PPM1L: variants seen among roughly 807,000 people sequenced by gnomAD.
The protein encoded by PPM1L is protein phosphatase, Mg2+/Mn2+ dependent 1L.
A neutral mutation model predicts 31.4 loss-of-function variants in PPM1L; 13 were observed. That is an observed-to-expected ratio of 0.41 (90% confidence interval 0.27 to 0.66). The LOEUF (loss-of-function observed/expected upper bound fraction) is 0.66. Among genes scored for constraint, PPM1L ranks in the 30% least tolerant of loss-of-function variants. The pLI, the probability that PPM1L is intolerant of heterozygous loss-of-function variation, is 0.29. For missense variants in PPM1L, 326 were observed against 453.7 expected (o/e 0.72, Z 2.56); for synonymous variants, 184 against 175.4 (o/e 1.05, Z -0.39).
chr3:160,834,456 C>G (rs1416120172), intron 1 of PPM1L, among the ~76,000 whole-genome samples: 3 of 142,126 alleles, frequency 2.1e-5, no homozygotes, highest in Non-Finnish European at 4.6e-5. Context: ...TTTTTACATG[C>G]ATTTGTGTAT....
At chr3:160,835,096 C>A (rs1315535779) in intron 1 of PPM1L, among the ~76,000 whole-genome samples, 1 of 67,526 alleles carries the variant, frequency 1.5e-5, no homozygotes, top group Non-Finnish European at 2.7e-5. Flanking sequence ...TTTCTTTTTT[C>A]TTTCTTCTTT....
At position 161,073,401 on chromosome 3, in the gene PPM1L, G is replaced by A. The variant is rs1165551989; in HGVS notation, c.*4244G>A. ...ATATTGCTGTGTTTTCATTCACGAT[G>A]ACTCTTAGTAGCAGTACAATTTGCA... On this transcript the variant is annotated 3_prime_UTR_variant, in exon 4 of 4. Transcript: ENST00000498165. 6.6e-6 allele frequency: 1 copy of A among 152,142 alleles called. No individual in the cohort carries two copies. Among genetic ancestry groups the A allele is most frequent in the Non-Finnish European group, 1.5e-5 (1 of 68,040 alleles). 9.4% of individuals were successfully genotyped at this position (152,142 alleles called of 1,614,324 possible). A position where few individuals can be genotyped will look rare whatever the true frequency, so the allele number is the denominator to read the frequency against.
chr3:161,063,502 A>T (rs1002160702), intron 2 of PPM1L, among the ~76,000 whole-genome samples: 4 of 152,110 alleles, frequency 2.6e-5, no homozygotes, highest in African/African-American at 7.2e-5. Context: ...TCTGCTCTTG[A>T]TATCAACCTG....
chr3:161,062,804 T>G (rs1167495530), intron 2 of PPM1L, among the ~76,000 whole-genome samples: 1 of 152,136 alleles, frequency 6.6e-6, no homozygotes, highest in Non-Finnish European at 1.5e-5. Context: ...CCAGCTGGAT[T>G]CCTCCCCTTC....
At chr3:160,823,368 A>ATTTTTTTT (rs199918303) in intron 1 of PPM1L, among the ~76,000 whole-genome samples, 2 of 142,156 alleles carry the variant, frequency 1.4e-5, no homozygotes, top group Non-Finnish European at 1.5e-5. Flanking sequence ...TGTATAAATG[A>ATTTTTTTT]TTTTTTTTTT....
At chr3:160,966,371 T>C (rs191494788) in intron 2 of PPM1L, among the ~76,000 whole-genome samples, 65 of 152,270 alleles carry the variant, frequency 4.3e-4, no homozygotes, top group African/African-American at 1.5e-3. Flanking sequence ...CACTTTGGTA[T>C]ATTTTCCTCA....
In PPM1L at chr3:161,069,259, C is replaced by T; in HGVS notation, c.*102C>T. ...GGGAGTTGTAATTAGGATCATCCAC[C>T]CCAGACATGGAATCCCCCCTCCCTG... On this transcript the variant is annotated 3_prime_UTR_variant, in exon 4 of 4. Coordinates refer to ENST00000498165, the MANE Select transcript of PPM1L (RefSeq NM_139245.4). 1.1e-6 allele frequency: 1 copy of T among 889,566 alleles called. No homozygotes were observed. Among genetic ancestry groups the T allele is most frequent in the Non-Finnish European group, 1.7e-6 (1 of 598,570 alleles). 55.1% of individuals were successfully genotyped at this position (889,566 alleles called of 1,614,324 possible).
At chr3:160,947,398 A>C (rs1243579403) in intron 1 of PPM1L, among the ~76,000 whole-genome samples, 1 of 152,126 alleles carries the variant, frequency 6.6e-6, no homozygotes, top group African/African-American at 2.4e-5. Flanking sequence ...TATCAATAAA[A>C]TATACTGTTT....
intron 1 of PPM1L, among the ~76,000 whole-genome samples, chr3:160,760,924 T>C (rs1714952725): frequency 6.6e-6 from 1 of 152,190 alleles, no homozygotes; most frequent in East Asian, 1.9e-4. Flanking sequence ...TTCCACATTT[T>C]GCATGAGGGA....
At chr3:160,978,383 C>T (rs1576758003) in intron 2 of PPM1L, among the ~76,000 whole-genome samples, 2 of 152,154 alleles carry the variant, frequency 1.3e-5, no homozygotes, top group Admixed American at 1.3e-4. Flanking sequence ...GAACTGGTCT[C>T]CACAGTGGTG....
intron 1 of PPM1L, among the ~76,000 whole-genome samples, chr3:160,900,543 C>A (rs2108053196): frequency 6.6e-6 from 1 of 152,020 alleles, no homozygotes; most frequent in African/African-American, 2.4e-5. Context: ...TTTTTATTCC[C>A]CTTCCTTCAG....
rs556881719 is a variant in PPM1L, at chr3:161,020,712, A to G, written c.575-44691A>G. On this transcript the variant is annotated intron_variant, in intron 2 of 3. Coordinates refer to ENST00000498165, the MANE Select transcript of PPM1L (RefSeq NM_139245.4). ...CTTTATGGGAAGCTTTTGATTACTA[A>G]TTCAATCTCTATACTTGTTATAGGT... Among the ~76,000 whole-genome samples, 170 of 152,246 alleles carry G rather than the reference A, an allele frequency of 1.1e-3. 1 individual carries two copies. Among genetic ancestry groups the G allele is most frequent in the Admixed American group, 0.011 (161 of 15,288 alleles).
Position 161,065,619 on chromosome 3 carries a change from G to A in PPM1L, c.736+55G>A, listed in dbSNP as rs1203312223. ...CTGCTGTCTTGCTGGTGAACAAGGC[G>A]GCTTGCTTGGAGAGCTCCTGGATAA... On this transcript the variant is annotated intron_variant, in intron 3 of 3. Transcript: ENST00000498165. 2.6e-5 allele frequency: 41 copies of A among 1,556,870 alleles called. No individual in the cohort carries two copies. In the South Asian group the frequency reaches 3.0e-4, roughly 11 times the overall value.
chr3:161,065,333 T>C (rs1719702624), intron 2 of PPM1L, 70 bp from the exon 3 acceptor site: 13 of 1,482,558 alleles, frequency 8.8e-6, no homozygotes, highest in Middle Eastern at 1.9e-4. Flanking sequence ...AGAATCCAGT[T>C]ACCACAAGAA....
At chr3:161,016,784 T>G (rs958253180) in intron 2 of PPM1L, among the ~76,000 whole-genome samples, 35 of 152,208 alleles carry the variant, frequency 2.3e-4, no homozygotes, top group Admixed American at 1.9e-3. Context: ...TTCTCAATTT[T>G]ATTTAGAGTG....
intron 3 of PPM1L, 74 bp downstream of exon 3, chr3:161,065,638 T>G (rs1719716092): frequency 7.0e-7 from 1 of 1,424,930 alleles, no homozygotes; most frequent in Non-Finnish European, 9.7e-7. Context: ...GGAGAGCTCC[T>G]GGATAAAATG....
chr3:161,037,412 CTTT>C (rs59883046), intron 2 of PPM1L, among the ~76,000 whole-genome samples: 3 of 99,486 alleles, frequency 3.0e-5, no homozygotes, highest in Non-Finnish European at 1.9e-5. Flanking sequence ...CCTACTTGAG[CTTT>C]TTTTTTTTTT....
chr3:160,794,269 G>A (rs969200412), intron 1 of PPM1L, among the ~76,000 whole-genome samples: 8 of 152,114 alleles, frequency 5.3e-5, no homozygotes, highest in Admixed American at 2.0e-4. Flanking sequence ...ATTACTTGTC[G>A]ACCTACTTAA....
intron 2 of PPM1L, among the ~76,000 whole-genome samples, chr3:160,997,279 A>G (rs1446635011): frequency 6.6e-6 from 1 of 152,194 alleles, no homozygotes; most frequent in East Asian, 1.9e-4. Context: ...TGCTTGCAAC[A>G]AGGAGCAGGA....
Sources: allele counts gnomAD v4.1 joint callset (sites outside exome capture counted in the v4.1 genomes callset), GRCh38; gene constraint gnomAD v4.1.1; transcripts MANE v1.5; gene names NCBI Gene and HGNC (gene_info 2026-07-23, HGNC 2026-07-21).